The following SYT1 variants were observed in gnomAD, a reference collection of about 807,000 sequenced individuals.
SYT1 encodes synaptotagmin-1.
A neutral mutation model predicts 44.8 loss-of-function variants in SYT1; 8 were observed. The observed-to-expected ratio is 0.18, with a 90% CI of 0.10 to 0.32. The LOEUF (loss-of-function observed/expected upper bound fraction) is 0.32. SYT1 is among the 10% of genes least tolerant of loss of function. The probability of loss-of-function intolerance (pLI) is 1.00; values close to 1 mark genes in which losing one functional copy is unlikely to be tolerated. For synonymous variants in SYT1, 154 were observed against 188.8 expected (o/e 0.82, Z 1.51); for missense variants, 286 against 509.3 (o/e 0.56, Z 4.22).
chr12:79,449,923 C>CGTGTGTGTGG lies in SYT1; in HGVS notation c.*808_*809insGGTGTGTGTG, dbSNP rs1870955142. The CGTGTGTGTGG allele has an allele frequency of 1.4e-5, 2 of 145,894 alleles. No individual in the cohort carries two copies. Among genetic ancestry groups the CGTGTGTGTGG allele is most frequent in the Non-Finnish European group, 1.5e-5 (1 of 66,084 alleles). The allele number at this position is 145,894 out of a possible 1,614,324, so 9.0% of individuals were successfully genotyped here. On this transcript the variant is annotated 3_prime_UTR_variant, in exon 11 of 11. Coordinates refer to ENST00000261205, the MANE Select transcript of SYT1 (RefSeq NM_005639.3). ...CATATAGAATAACAACAAGGTGTTC[C>CGTGTGTGTGG]GTGTGTGTGTGTGTGTGTGTGTGTG...
intron 1 of SYT1, among the ~76,000 whole-genome samples, chr12:78,918,635 T>G (rs761701657): frequency 3.9e-5 from 6 of 151,986 alleles, no homozygotes; most frequent in Non-Finnish European, 7.4e-5. Context: ...CACAGAGGAC[T>G]CATCAGAGCA....
chr12:79,275,052 TCA>T (rs1333903656), intron 4 of SYT1, among the ~76,000 whole-genome samples: 7 of 152,062 alleles, frequency 4.6e-5, no homozygotes, highest in Non-Finnish European at 8.8e-5. Flanking sequence ...GCAGGAGAAT[TCA>T]CAGTCTTCTG....
At chr12:79,014,965 A>C (rs1871703431) in intron 2 of SYT1, among the ~76,000 whole-genome samples, 1 of 152,096 alleles carries the variant, frequency 6.6e-6, no homozygotes, top group Admixed American at 6.6e-5. Flanking sequence ...GCAAGGATAA[A>C]AAACCAAACA....
chr12:79,246,135 G>A (rs1157007309), intron 4 of SYT1, among the ~76,000 whole-genome samples: 2 of 152,034 alleles, frequency 1.3e-5, no homozygotes, highest in Admixed American at 6.6e-5. Context: ...AATATTTTAT[G>A]GAAATTATGC....
intron 1 of SYT1, among the ~76,000 whole-genome samples, chr12:78,895,539 T>C (rs1226273819): frequency 2.0e-5 from 3 of 151,792 alleles, no homozygotes; most frequent in Non-Finnish European, 4.4e-5. Context: ...GATTTAATTT[T>C]AAGTATTTTT....
chr12:79,217,484 T>G lies in SYT1; in HGVS notation c.-17-19T>G, dbSNP rs1447578895. On this transcript the variant is annotated intron_variant, in intron 3 of 10. Coordinates refer to ENST00000261205, the MANE Select transcript of SYT1 (RefSeq NM_005639.3). ...AAGCCATTTTGAATTGTTCTGTCTT[T>G]GCTTCCCTCCCCTCACAGCTTCACC... 4 of 1,542,936 alleles carry G rather than the reference T, an allele frequency of 2.6e-6. No individual in the cohort carries two copies. Among genetic ancestry groups the G allele is most frequent in the Non-Finnish European group, 3.5e-6 (4 of 1,150,686 alleles).
At chr12:79,125,981 A>G (rs1868413679) in intron 3 of SYT1, among the ~76,000 whole-genome samples, 1 of 152,184 alleles carries the variant, frequency 6.6e-6, no homozygotes, top group South Asian at 2.1e-4. Flanking sequence ...TTCTCAGTCC[A>G]TTAGAAAGTA....
intron 4 of SYT1, among the ~76,000 whole-genome samples, chr12:79,221,846 G>C (rs187810891): frequency 3.9e-5 from 6 of 152,200 alleles, no homozygotes; most frequent in Non-Finnish European, 5.9e-5. Context: ...CAGGATTACA[G>C]TGTTATAGTA....
chr12:79,280,279 T>C (rs186761085), intron 4 of SYT1, among the ~76,000 whole-genome samples: 1 of 152,066 alleles, frequency 6.6e-6, no homozygotes, highest in African/African-American at 2.4e-5. Flanking sequence ...AGCATGGTTG[T>C]AAAATAAAAG....
chr12:78,888,311 T>C lies in SYT1; in HGVS notation c.-217+23202T>C, dbSNP rs535191209. 2.5e-4 allele frequency among the ~76,000 whole-genome samples: 38 copies of C among 152,038 alleles called. No individual in the cohort carries two copies. In the South Asian group the frequency reaches 5.0e-3, roughly 20 times the overall value. The stretch of plus-strand genomic sequence containing the variant: ...TCTTCATTTCCTCTCCTGGAAATCC[T>C]TGTGTACAATTACCCTGGTAAATGG... On this transcript the variant is annotated intron_variant, in intron 1 of 10. Transcript: ENST00000261205.
At chr12:79,121,683 C>T (rs1043844704) in intron 3 of SYT1, among the ~76,000 whole-genome samples, 5 of 152,154 alleles carry the variant, frequency 3.3e-5, no homozygotes, top group African/African-American at 9.7e-5. Flanking sequence ...GCTGCACTTG[C>T]GTACTGAGCC....
intron 10 of SYT1, among the ~76,000 whole-genome samples, chr12:79,446,034 T>TATATATATATATATATA: frequency 8.7e-6 from 1 of 115,542 alleles, no homozygotes; most frequent in Admixed American, 9.1e-5. Flanking sequence ...TATATATATA[T>TATATATATATATATATA]TATGCCTAGG....
chr12:78,986,278 T>C (rs1869634795), intron 2 of SYT1, among the ~76,000 whole-genome samples: 1 of 152,064 alleles, frequency 6.6e-6, no homozygotes, highest in South Asian at 2.1e-4. Context: ...ATTTTCTTTT[T>C]GTATATCTCT....
intron 3 of SYT1, among the ~76,000 whole-genome samples, chr12:79,216,593 G>A (rs986920561): frequency 6.6e-6 from 1 of 152,116 alleles, no homozygotes; most frequent in East Asian, 1.9e-4. Flanking sequence ...GATGTCAAAT[G>A]CCCTGTTAAA....
At chr12:79,237,557 A>C (rs764721186) in intron 4 of SYT1, among the ~76,000 whole-genome samples, 47 of 152,226 alleles carry the variant, frequency 3.1e-4, no homozygotes, top group Admixed American at 5.9e-4. Context: ...TTTCCATGTG[A>C]AAGAATGTTT....
chr12:79,397,199 C>T (rs1049599691), intron 9 of SYT1, among the ~76,000 whole-genome samples: 1 of 152,116 alleles, frequency 6.6e-6, no homozygotes, highest in Non-Finnish European at 1.5e-5. Context: ...TGCTTGTATT[C>T]CAGTTGCACC....
chr12:78,922,596 C>G (rs17046032), intron 1 of SYT1, among the ~76,000 whole-genome samples: 7,205 of 151,880 alleles, frequency 0.047, 220 homozygotes, highest in Admixed American at 0.083. Flanking sequence ...TGGCAATGCT[C>G]TTAATATTAT....
At chr12:79,380,259 T>C (rs974630971) in intron 9 of SYT1, among the ~76,000 whole-genome samples, 9 of 152,196 alleles carry the variant, frequency 5.9e-5, no homozygotes, top group African/African-American at 2.2e-4. Context: ...ATTAGCATGC[T>C]CTGAAAAACA....
chr12:79,411,310 G>T (rs1868415368), intron 9 of SYT1, among the ~76,000 whole-genome samples: 1 of 152,124 alleles, frequency 6.6e-6, no homozygotes, highest in South Asian at 2.1e-4. Flanking sequence ...GTCCCACATA[G>T]TACTTCCACT....
Sources: gnomAD v4.1 joint callset for allele counts (sites outside exome capture counted in the v4.1 genomes callset) on GRCh38, gnomAD v4.1.1 for gene constraint, MANE v1.5 for transcripts, NCBI Gene and HGNC (gene_info 2026-07-23, HGNC 2026-07-21) for gene names.